MCM4: variants seen among roughly 807,000 people sequenced by gnomAD.
MCM4 encodes minichromosome maintenance complex component 4.
In MCM4, 60 loss-of-function variants were observed where a neutral mutation model predicts 88.7. The observed-to-expected ratio is 0.68, with a 90% CI of 0.55 to 0.84. The LOEUF (loss-of-function observed/expected upper bound fraction) is 0.84. MCM4 is among the 40% of genes least tolerant of loss of function. The probability of loss-of-function intolerance (pLI) is 0.00; values close to 1 mark genes in which losing one functional copy is unlikely to be tolerated. For synonymous variants in MCM4, 465 were observed against 410.5 expected (o/e 1.13, Z -1.61); for missense variants, 1,149 against 1,105.5 (o/e 1.04, Z -0.56).
intron 5 of MCM4, 110 bp downstream of exon 5, chr8:47,962,516 G>A (rs2090854037): frequency 1.8e-6 from 2 of 1,107,782 alleles, no homozygotes; most frequent in Admixed American, 4.4e-5. Flanking sequence ...ACCTGTGGTG[G>A]CTCACACCTA....
intron 15 of MCM4, chr8:47,975,416 T>C (rs17334521): frequency 3.3e-5 from 6 of 179,802 alleles, no homozygotes; most frequent in South Asian, 2.8e-4. Context: ...GTTTTGTGTA[T>C]AGTTTTAAGG....
rs190858646 is a variant in MCM4 at position 47,977,307 on chromosome 8, C to G, written c.*529C>G. 1 of 151,436 alleles carries G rather than the reference C, an allele frequency of 6.6e-6. No individual in the cohort carries two copies. Among genetic ancestry groups the G allele is most frequent in the Non-Finnish European group, 1.5e-5 (1 of 68,660 alleles). The allele number at this position is 151,436 out of a possible 1,614,324, so 9.4% of individuals were successfully genotyped here. A position where few individuals can be genotyped will look rare whatever the true frequency, so the allele number is the denominator to read the frequency against. On this transcript the variant is annotated 3_prime_UTR_variant, in exon 17 of 17. Coordinates refer to ENST00000649973, the MANE Select transcript of MCM4 (RefSeq NM_182746.3). ...AAAACCTGCCAATTTTCAAACATAC[C>G]GTAGAGATTATTTTCAGGTGCCATT...
At chr8:47,969,501 G>T in intron 10 of MCM4, 1 of 344,958 alleles carries the variant, frequency 2.9e-6, no homozygotes. Flanking sequence ...CAGGTGATCC[G>T]CCTGCCTCAG....
rs144696026 is a variant in MCM4, at chr8:47,961,536, T to C, written c.91T>C (p.Ser31Pro). Residue 31 changes from serine to proline, a missense_variant, in exon 3 of 17, where the codon TCA (serine) becomes CCA (proline). Ser to Pro is a moderately conservative substitution (Grantham distance 74). Coordinates refer to ENST00000649973, the MANE Select transcript of MCM4 (RefSeq NM_182746.3). ...AQTPRSEDAR[S>P]SPSQRRRGED... Reference sequence around the variant, plus strand: ...ACAAGCTCGGAGTGAGGATGCCAGGTCATCTCCCTCTCAGAGACGTAGAGG... The same window carrying C: ...ACAAGCTCGGAGTGAGGATGCCAGGCCATCTCCCTCTCAGAGACGTAGAGG... 8.7e-6 allele frequency: 14 copies of C among 1,614,110 alleles called. No homozygotes were observed. In the African/African-American group the frequency reaches 1.7e-4, roughly 20 times the overall value.
rs771549543 is a variant in MCM4 at position 47,964,622 on chromosome 8, C to T, written c.742C>T (p.Arg248Cys). 1.1e-5 allele frequency: 17 copies of T among 1,604,962 alleles called. No homozygotes were observed. The highest frequency in any genetic ancestry group is 3.4e-5 in the South Asian group (3 of 88,902). ...GGCTGTCAATGAAATCTTCTTTGAC[C>T]GTTACCCTGACTCAATCTTAGAACA... is the stretch of plus-strand genomic sequence containing the variant. ...DMAVNEIFFDRYPDSILEHQI... is the reference protein window; with the variant it reads ...DMAVNEIFFDCYPDSILEHQI... Residue 248 changes from arginine (R) to cysteine (C), a missense_variant, in exon 8 of 17, where the codon CGT becomes TGT. By Grantham distance (180) the Arg-to-Cys change is radical. Transcript: ENST00000649973.
intron 8 of MCM4, among the ~76,000 whole-genome samples, chr8:47,964,964 C>T (rs1237612716): frequency 6.6e-6 from 1 of 152,120 alleles, no homozygotes; most frequent in Non-Finnish European, 1.5e-5. Context: ...GCCTATAATC[C>T]CAGCACTTCA....
chr8:47,975,009 T>C, intron 15 of MCM4, 47 bp downstream of exon 15: 1 of 1,421,022 alleles, frequency 7.0e-7, no homozygotes, highest in Non-Finnish European at 9.8e-7. Flanking sequence ...ATTATTTCAA[T>C]ATGCATGTAG....
At position 47,970,497 on chromosome 8, in the gene MCM4, C is replaced by A; in HGVS notation, c.1435-14C>A. On this transcript the variant is annotated splice_polypyrimidine_tract_variant and intron_variant, in intron 11 of 16. Coordinates refer to ENST00000649973, the MANE Select transcript of MCM4 (RefSeq NM_182746.3). ...GCAGAAAATGAATGTTTAGACATGT[C>A]TCTGATTATTTAGGGAATTTTGCTT... is the stretch of plus-strand genomic sequence containing the variant. 1 of 1,584,626 alleles carries A rather than the reference C, an allele frequency of 6.3e-7. No homozygotes were observed. Among genetic ancestry groups the A allele is most frequent in the Non-Finnish European group, 8.6e-7 (1 of 1,161,304 alleles).
Position 47,962,324 on chromosome 8 carries a change from T to C in MCM4, c.419T>C (p.Val140Ala). ...QSDGAAAEDIVASEQSLGQKL... is the reference protein window; with the variant it reads ...QSDGAAAEDIAASEQSLGQKL... ...GTGTAGGCAGCAGCAGAAGATATAG[T>C]GGCAAGTGAGCAGTCTCTAGGCCAA... The change falls in exon 5 of 17, where the codon GTG becomes GCG. Residue 140 changes from valine to alanine, a missense_variant. Around this residue, in one of 3 missense-constraint regions of MCM4, gnomAD observed 906 missense variants for 843.0 expected, o/e 1.07. Coordinates refer to ENST00000649973, the MANE Select transcript of MCM4 (RefSeq NM_182746.3). 6.2e-7 allele frequency: 1 copy of C among 1,614,210 alleles called. No homozygotes were observed. The highest frequency in any genetic ancestry group is 2.2e-5 in the East Asian group (1 of 44,888).
chr8:47,970,129 C>A, intron 11 of MCM4, 72 bp downstream of exon 11: 1 of 1,515,724 alleles, frequency 6.6e-7, no homozygotes, highest in Middle Eastern at 1.9e-4. Flanking sequence ...ACATCCACTC[C>A]GCCACTCGAG....
chr8:47,965,026 G>A (rs2090886597), intron 8 of MCM4, among the ~76,000 whole-genome samples: 1 of 151,574 alleles, frequency 6.6e-6, no homozygotes, highest in South Asian at 2.1e-4. Context: ...GACCAGCCTG[G>A]CCAACATGGC....
At chr8:47,966,447 G>C (rs373158244) in intron 9 of MCM4, 40 bp downstream of exon 9, 10 of 1,547,004 alleles carry the variant, frequency 6.5e-6, no homozygotes, top group Non-Finnish European at 7.9e-6. Context: ...TGCTTTGCCT[G>C]TCTGTATCCT....
chr8:47,961,313 G>A, intron 2 of MCM4, 99 bp downstream of exon 2: 2 of 1,429,730 alleles, frequency 1.4e-6, no homozygotes, highest in Non-Finnish European at 1.8e-6. Flanking sequence ...GGACCCGGGC[G>A]CTCAGCCTCG....
At position 47,966,348 on chromosome 8, in the gene MCM4, C is replaced by T. The variant is rs151273971; in HGVS notation, c.994C>T (p.His332Tyr). ...IAEPSVCGRC[H>Y]TTHSMALIHN... ...AGAGCCCAGTGTGTGCGGGCGCTGC[C>T]ACACCACCCACAGCATGGCACTCAT... Residue 332 changes from histidine to tyrosine, a missense_variant, in exon 9 of 17, where the codon CAC (histidine) becomes TAC (tyrosine). Physicochemically the swap from His to Tyr is moderately conservative, Grantham distance 83. Around this residue, in one of 3 missense-constraint regions of MCM4, gnomAD observed 906 missense variants for 843.0 expected, o/e 1.07. Coordinates refer to ENST00000649973, the MANE Select transcript of MCM4 (RefSeq NM_182746.3). 1 of 1,613,822 alleles carries T rather than the reference C, an allele frequency of 6.2e-7. No homozygotes were observed. Among genetic ancestry groups the T allele is most frequent in the African/African-American group, 1.3e-5 (1 of 74,922 alleles).
intron 7 of MCM4, 97 bp downstream of exon 7, chr8:47,963,137 C>G: frequency 2.8e-6 from 2 of 719,954 alleles, no homozygotes; most frequent in Non-Finnish European, 4.7e-6. Context: ...ATAGTATGCG[C>G]AAACACTTTA....
At position 47,971,377 on chromosome 8, in the gene MCM4, G is replaced by C. The variant is rs760167853; in HGVS notation, c.1837G>C (p.Val613Leu). 2 of 1,614,112 alleles carry C rather than the reference G, an allele frequency of 1.2e-6. No homozygotes were observed. The highest frequency in any genetic ancestry group is 1.7e-5 in the Admixed American group (1 of 60,012). The part of the protein sequence containing the change: ...IICQLNARTS[V>L]LAAANPIESQ... ...CTGTCAGCTCAATGCGCGCACCTCT[G>C]TCCTGGCAGCAGCAAATCCCATTGA... The change falls in exon 13 of 17, where the codon GTC becomes CTC. Residue 613 changes from valine to leucine, a missense_variant. Physicochemically the swap from Val to Leu is conservative, Grantham distance 32. Transcript: ENST00000649973.
chr8:47,962,476 A>T, intron 5 of MCM4, 70 bp downstream of exon 5: 1 of 1,485,888 alleles, frequency 6.7e-7, no homozygotes, highest in East Asian at 2.3e-5. Context: ...TATAATCTAT[A>T]TCTAAGTAGC....
intron 15 of MCM4, chr8:47,975,399 A>G (rs2090992840): frequency 6.5e-6 from 1 of 153,070 alleles, no homozygotes; most frequent in Non-Finnish European, 1.3e-5. Flanking sequence ...CTCATTGTTC[A>G]ATTCCAGTTT....
chr8:47,969,689 C>A, intron 10 of MCM4, 109 bp from the exon 11 acceptor site: 1 of 1,117,290 alleles, frequency 9.0e-7, no homozygotes, highest in Admixed American at 2.0e-5. Context: ...CCAGGGCCAG[C>A]CCGACGTGGT....
Sources: allele counts gnomAD v4.1 joint callset (sites outside exome capture counted in the v4.1 genomes callset), GRCh38; gene constraint gnomAD v4.1.1; regional missense constraint gnomAD v4.1.1; transcripts MANE v1.5; gene names NCBI Gene and HGNC (gene_info 2026-07-23, HGNC 2026-07-21).